Variants in DPP8 observed in about 807,000 individuals in gnomAD.
DPP8 encodes DPP VIII.
Under a neutral mutation model 107.5 loss-of-function variants are expected in DPP8, and 31 were observed. The observed-to-expected ratio is 0.29, with a 90% CI of 0.22 to 0.39. DPP8 has a LOEUF of 0.39. Ranked by LOEUF, DPP8 falls within the 10% of genes least tolerant of loss-of-function variation. The pLI is 1.00. For synonymous variants in DPP8, 381 were observed against 356.6 expected (o/e 1.07, Z -0.77); for missense variants, 842 against 1,076.1 (o/e 0.78, Z 3.04).
In DPP8 at chr15:65,456,327, G is replaced by C. The variant is rs143813026; in HGVS notation, c.2016C>G (p.Arg672=). 1.2e-4 allele frequency: 186 copies of C among 1,613,930 alleles called. No homozygotes were observed. In the African/African-American group the frequency reaches 2.3e-3, roughly 20 times the overall value. ...NNRFKGVKYF[R]LNTLASLGYV... is the part of the protein sequence containing the mutation. ...AACCTAGAGAGGCTAGGGTATTCAA[G>C]CGGAAATACTTGACTCCTTTAAACC... Residue 672 remains arginine, a synonymous_variant, in exon 16 of 20, where the codon CGC becomes CGG. Transcript: ENST00000300141.
At chr15:65,491,017 G>A (rs1455460402) in intron 5 of DPP8, among the ~76,000 whole-genome samples, 2 of 151,890 alleles carry the variant, frequency 1.3e-5, no homozygotes, top group Non-Finnish European at 2.9e-5. Context: ...AATTAGCCAG[G>A]CATGGTGCCA....
chr15:65,474,375 T>A, intron 11 of DPP8, 87 bp from the exon 12 acceptor site: 2 of 983,330 alleles, frequency 2.0e-6, no homozygotes, highest in Non-Finnish European at 3.1e-6. Flanking sequence ...AAGCTCTTTT[T>A]TCCAAAAAGT....
chr15:65,478,420 C>T (rs868490358), intron 11 of DPP8, among the ~76,000 whole-genome samples: 3 of 152,034 alleles, frequency 2.0e-5, no homozygotes, highest in African/African-American at 4.8e-5. Flanking sequence ...CCACCACGCC[C>T]GGATCATTTT....
intron 19 of DPP8, among the ~76,000 whole-genome samples, chr15:65,449,618 C>T (rs939437064): frequency 2.0e-5 from 3 of 152,076 alleles, no homozygotes; most frequent in African/African-American, 7.2e-5. Context: ...CCATGTTTGC[C>T]AGGCTGGTTG....
chr15:65,461,753 G>C (rs1277019734), intron 15 of DPP8, among the ~76,000 whole-genome samples: 1 of 151,836 alleles, frequency 6.6e-6, no homozygotes, highest in East Asian at 1.9e-4. Flanking sequence ...ATAGGCACTT[G>C]CCACCACTGG....
chr15:65,478,421 G>A (rs1282771973), intron 11 of DPP8, among the ~76,000 whole-genome samples: 1 of 152,006 alleles, frequency 6.6e-6, no homozygotes, highest in Non-Finnish European at 1.5e-5. Context: ...CACCACGCCC[G>A]GATCATTTTT....
chr15:65,505,354 C>A (rs1382823342), intron 3 of DPP8, among the ~76,000 whole-genome samples: 1 of 143,538 alleles, frequency 7.0e-6, no homozygotes. Context: ...GACTCTGTCT[C>A]AAAAAAAAAA....
At chr15:65,499,034 G>A (rs2140978837) in intron 4 of DPP8, among the ~76,000 whole-genome samples, 1 of 149,532 alleles carries the variant, frequency 6.7e-6, no homozygotes, top group East Asian at 2.0e-4. Context: ...CTCCAGCCTG[G>A]ATGACAGCAA....
At chr15:65,463,354 C>G (rs1310812458) in intron 15 of DPP8, among the ~76,000 whole-genome samples, 1 of 152,132 alleles carries the variant, frequency 6.6e-6, no homozygotes, top group African/African-American at 2.4e-5. Context: ...GCCTGACCAA[C>G]ATGGTGAAAT....
chr15:65,497,943 A>C lies in DPP8; in HGVS notation c.636T>G (p.Ile212Met), dbSNP rs770850957. The change falls in exon 5 of 20, where the codon ATT becomes ATG. Residue 212 changes from isoleucine to methionine, a missense_variant. Coordinates refer to ENST00000300141, the MANE Select transcript of DPP8 (RefSeq NM_130434.5). ...AAATATCGTTGCTATGTATAAAAGC[A>C]ATCCAGTCTGGATCAGCAGGGCATA... ...PKLCPADPDW[I>M]AFIHSNDIWI... 6.2e-7 allele frequency: 1 copy of C among 1,611,646 alleles called. No homozygotes were observed. Among genetic ancestry groups the C allele is most frequent in the South Asian group, 1.1e-5 (1 of 90,596 alleles).
intron 9 of DPP8, 24 bp from the exon 10 acceptor site, chr15:65,480,423 G>A (rs2140740739): frequency 6.4e-7 from 1 of 1,571,596 alleles, no homozygotes; most frequent in African/African-American, 1.4e-5. Flanking sequence ...TAAAAGAGAA[G>A]AACCAGAAAT....
intron 12 of DPP8, among the ~76,000 whole-genome samples, chr15:65,469,061 C>T (rs865791402): frequency 2.0e-5 from 3 of 152,016 alleles, no homozygotes; most frequent in Non-Finnish European, 4.4e-5. Flanking sequence ...CTGCAACCTC[C>T]GTCTCCCAGG....
At chr15:65,505,745 T>A (rs2069884501) in intron 3 of DPP8, among the ~76,000 whole-genome samples, 1 of 150,914 alleles carries the variant, frequency 6.6e-6, no homozygotes, top group South Asian at 2.1e-4. Flanking sequence ...AGGCCAAGAG[T>A]TCGAGACCAG....
chr15:65,516,656 G>C (rs2071477066), intron 1 of DPP8: 1 of 152,184 alleles, frequency 6.6e-6, no homozygotes, highest in Non-Finnish European at 1.5e-5. Context: ...TGTTGACTCA[G>C]AAAATAGCTT....
In DPP8 at chr15:65,443,977, C is replaced by T. The variant is rs186361265; in HGVS notation, c.*2907G>A. ...TGTCGCCCAGACTGGACTACAGTGG[C>T]GCCATCTCGGCTCACTGCAACTTCC... On this transcript the variant is annotated 3_prime_UTR_variant, in exon 20 of 20. Coordinates refer to ENST00000300141, the MANE Select transcript of DPP8 (RefSeq NM_130434.5). The T allele has an allele frequency of 2.0e-5, 3 of 152,426 alleles. No individual in the cohort carries two copies. Among genetic ancestry groups the T allele is most frequent in the East Asian group, 3.9e-4 (2 of 5,192 alleles). The allele number at this position is 152,426 out of a possible 1,614,324, so 9.4% of individuals were successfully genotyped here.
chr15:65,447,034 A>G, intron 19 of DPP8, 28 bp from the exon 20 acceptor site: 1 of 465,432 alleles, frequency 2.1e-6, no homozygotes, highest in Non-Finnish European at 3.0e-6. Flanking sequence ...ATAAAGATAC[A>G]AAAAAAAAAA....
chr15:65,496,133 G>A (rs1486231221), intron 5 of DPP8, among the ~76,000 whole-genome samples: 2 of 151,714 alleles, frequency 1.3e-5, no homozygotes, highest in Non-Finnish European at 1.5e-5. Flanking sequence ...ACAGGCACCC[G>A]CCACCACGCC....
At chr15:65,516,707 A>G (rs565923973) in intron 1 of DPP8, 1 of 152,236 alleles carries the variant, frequency 6.6e-6, no homozygotes, top group Admixed American at 6.5e-5. Flanking sequence ...GAAATTCCTT[A>G]ATTTTTAACT....
chr15:65,454,577 A>C (rs2064245815), intron 16 of DPP8, among the ~76,000 whole-genome samples, 162 bp from the exon 17 acceptor site: 1 of 152,156 alleles, frequency 6.6e-6, no homozygotes, highest in South Asian at 2.1e-4. Context: ...CCCAGGCTGG[A>C]GTGCAATGAC....
Sources: allele counts gnomAD v4.1 joint callset (sites outside exome capture counted in the v4.1 genomes callset), GRCh38; gene constraint gnomAD v4.1.1; transcripts MANE v1.5; gene names NCBI Gene and HGNC (gene_info 2026-07-23, HGNC 2026-07-21).